The following AFF3 variants were observed in gnomAD, a reference collection of about 807,000 sequenced individuals.
AFF3 encodes the protein AF4/FMR2 family member 3.
In AFF3, 32 loss-of-function variants were observed where a neutral mutation model predicts 129.7. The ratio of observed to expected loss-of-function variants is 0.25; its 90% confidence interval spans 0.19 to 0.33. AFF3 has a LOEUF of 0.33. Ranked by LOEUF, AFF3 falls within the 10% of genes least tolerant of loss-of-function variation. The pLI, the probability that AFF3 is intolerant of heterozygous loss-of-function variation, is 1.00. For missense variants in AFF3, 1,373 were observed against 1,592.0 expected (o/e 0.86, Z 2.34); for synonymous variants, 644 against 635.4 (o/e 1.01, Z -0.20).
At chr2:99,728,993 AGAG>A (rs72453899) in intron 10 of AFF3, among the ~76,000 whole-genome samples, 23,240 of 152,100 alleles carry the variant, frequency 0.15, 2,086 homozygotes, top group South Asian at 0.22. Flanking sequence ...CCTAAAATAG[AGAG>A]TTATAACACC....
intron 11 of AFF3, among the ~76,000 whole-genome samples, chr2:99,714,126 T>C (rs920417790): frequency 1.3e-5 from 2 of 152,222 alleles, no homozygotes; most frequent in Non-Finnish European, 2.9e-5. Context: ...CCAACAGACA[T>C]TCCTGTGTTT....
intron 8 of AFF3, among the ~76,000 whole-genome samples, chr2:99,767,367 A>G (rs947296168): frequency 2.0e-5 from 3 of 152,236 alleles, no homozygotes; most frequent in Admixed American, 2.0e-4. Flanking sequence ...TCTGTGTCAG[A>G]CATTTGAGGG....
chr2:99,556,857 A>G (rs1674972032), intron 22 of AFF3, among the ~76,000 whole-genome samples: 1 of 151,812 alleles, frequency 6.6e-6, no homozygotes, highest in Non-Finnish European at 1.5e-5. Context: ...AGGAATTCAC[A>G]GCTGCAGTGA....
intron 7 of AFF3, among the ~76,000 whole-genome samples, chr2:99,871,735 G>T (rs77583665): frequency 0.012 from 1,823 of 152,214 alleles, 40 homozygotes; most frequent in African/African-American, 0.042. Flanking sequence ...CAAAACATGG[G>T]AGGAATGGAG....
At chr2:99,820,183 A>G (rs1445899214) in intron 8 of AFF3, among the ~76,000 whole-genome samples, 1 of 152,188 alleles carries the variant, frequency 6.6e-6, no homozygotes, top group African/African-American at 2.4e-5. Context: ...CATAGAGTGC[A>G]CTTACACAAA....
At chr2:99,725,820 G>GA (rs1304597032) in intron 11 of AFF3, among the ~76,000 whole-genome samples, 1 of 151,920 alleles carries the variant, frequency 6.6e-6, no homozygotes, top group Non-Finnish European at 1.5e-5. Flanking sequence ...TTGAGAATTT[G>GA]AAAAAATTGT....
chr2:99,598,267 T>C (rs1679483901), intron 14 of AFF3, among the ~76,000 whole-genome samples: 3 of 152,190 alleles, frequency 2.0e-5, no homozygotes, highest in African/African-American at 4.8e-5. Flanking sequence ...ATATATATTG[T>C]ACAACAAAGG....
chr2:99,647,121 A>C (rs148796090), intron 13 of AFF3, among the ~76,000 whole-genome samples: 1 of 152,206 alleles, frequency 6.6e-6, no homozygotes, highest in Non-Finnish European at 1.5e-5. Context: ...AGGCAGAAAT[A>C]CCATTTGATC....
chr2:99,962,856 T>C (rs1348332948), intron 7 of AFF3, among the ~76,000 whole-genome samples: 1 of 140,886 alleles, frequency 7.1e-6, no homozygotes, highest in African/African-American at 2.6e-5. Context: ...ATTCAAATAA[T>C]AATAATAATA....
intron 13 of AFF3, among the ~76,000 whole-genome samples, chr2:99,635,104 T>A: frequency 6.6e-6 from 1 of 151,214 alleles, no homozygotes; most frequent in Admixed American, 6.6e-5. Flanking sequence ...TCTATGTATA[T>A]GATATATACA....
intron 4 of AFF3, among the ~76,000 whole-genome samples, chr2:100,049,726 C>T (rs2105126285): frequency 6.6e-6 from 1 of 152,166 alleles, no homozygotes; most frequent in East Asian, 1.9e-4. Context: ...TCCATGACAC[C>T]ATTTTTTAAA....
At chr2:99,696,256 G>A (rs1435895468) in intron 11 of AFF3, among the ~76,000 whole-genome samples, 1 of 151,896 alleles carries the variant, frequency 6.6e-6, no homozygotes, top group Admixed American at 6.6e-5. Flanking sequence ...CATTAACATA[G>A]AGCTTCATTC....
chr2:99,885,563 C>T (rs1423215921), intron 7 of AFF3, among the ~76,000 whole-genome samples: 2 of 152,182 alleles, frequency 1.3e-5, no homozygotes, highest in Non-Finnish European at 2.9e-5. Flanking sequence ...ATACTCTAGG[C>T]CCCTAAATCT....
intron 1 of AFF3, among the ~76,000 whole-genome samples, chr2:100,134,052 C>T (rs1692538784): frequency 6.6e-6 from 1 of 152,108 alleles, no homozygotes; most frequent in Admixed American, 6.5e-5. Context: ...TAATATGGTA[C>T]AATTTGCTCA....
chr2:99,735,950 G>C (rs993521405), intron 10 of AFF3, among the ~76,000 whole-genome samples: 2 of 152,002 alleles, frequency 1.3e-5, no homozygotes, highest in African/African-American at 4.8e-5. Context: ...TTCCCTCCTA[G>C]TCATATTTTC....
Position 99,593,991 on chromosome 2 carries a change from G to A in AFF3, c.1670C>T (p.Ala557Val), listed in dbSNP as rs747342267. The A allele has an allele frequency of 1.3e-6, 2 of 1,533,246 alleles. No homozygotes were observed. The highest frequency in any genetic ancestry group is 2.6e-5 in the South Asian group (2 of 77,370). The allele number at this position is 1,533,246 out of a possible 1,614,324, so 95.0% of individuals were successfully genotyped here. A position where few individuals can be genotyped will look rare whatever the true frequency, so the allele number is the denominator to read the frequency against. Residue 557 changes from alanine to valine, a missense_variant, in exon 15 of 25, where the codon GCG becomes GTG. Coordinates refer to ENST00000672756, the MANE Select transcript of AFF3 (RefSeq NM_001386135.1). ...QKSPPAAVAV[A>V]VSAAAPPPAV... is the part of the protein sequence containing the mutation. ...GGGTGGCGGGGCGGCTGCGCTCACC[G>A]CCACGGCCACGGCCGCGGGCGGGGA...
intron 7 of AFF3, among the ~76,000 whole-genome samples, chr2:99,901,840 A>G (rs140846348): frequency 1.7e-5 from 2 of 119,388 alleles, no homozygotes; most frequent in Non-Finnish European, 3.5e-5. Flanking sequence ...AGACACTTTG[A>G]TAGCTGTGCC....
At chr2:100,090,769 CA>C (rs1256225241) in intron 4 of AFF3, among the ~76,000 whole-genome samples, 1 of 152,272 alleles carries the variant, frequency 6.6e-6, no homozygotes, top group East Asian at 1.9e-4. Flanking sequence ...CTCTGCTTCC[CA>C]GGTTCAAGTG....
rs749464429 is a variant in AFF3, at chr2:100,007,185, C to G, written c.450G>C (p.Lys150Asn). The change falls in exon 6 of 25, where the codon AAG (lysine) becomes AAC (asparagine). Residue 150 changes from lysine to asparagine, a missense_variant. Coordinates refer to ENST00000672756, the MANE Select transcript of AFF3 (RefSeq NM_001386135.1). ...GGCCGTCAGAGGGTGGGTGCCCAGC[C>G]TTCTGCCAGCCCATAGTGCCTCTCT... is the stretch of plus-strand genomic sequence containing the variant. Reference protein sequence around the residue: ...QSKRGTMGWQKAGHPPSDGQQ... With the variant: ...QSKRGTMGWQNAGHPPSDGQQ... The G allele has an allele frequency of 1.9e-6, 3 of 1,614,204 alleles. No homozygotes were observed. Among genetic ancestry groups the G allele is most frequent in the South Asian group, 1.1e-5 (1 of 91,084 alleles).
Sources: allele counts gnomAD v4.1 joint callset (sites outside exome capture counted in the v4.1 genomes callset), GRCh38; gene constraint gnomAD v4.1.1; transcripts MANE v1.5; gene names NCBI Gene and HGNC (gene_info 2026-07-23, HGNC 2026-07-21).